The following CREBRF variants were observed in gnomAD, a reference collection of about 807,000 sequenced individuals.
CREBRF encodes the protein CREB3 regulatory factor.
In CREBRF, 5 loss-of-function variants were observed where a neutral mutation model predicts 66.1. The observed-to-expected ratio is 0.08, with a 90% CI of 0.04 to 0.16. The LOEUF is 0.16. CREBRF is among the 10% of genes least tolerant of loss of function. The probability of loss-of-function intolerance (pLI) is 1.00; values close to 1 mark genes in which losing one functional copy is unlikely to be tolerated. For synonymous variants in CREBRF, 229 were observed against 264.4 expected (o/e 0.87, Z 1.30); for missense variants, 531 against 744.9 (o/e 0.71, Z 3.34).
At chr5:173,128,887 TCTC>T (rs1160110940) in intron 8 of CREBRF, among the ~76,000 whole-genome samples, 1 of 151,084 alleles carries the variant, frequency 6.6e-6, no homozygotes, top group African/African-American at 2.4e-5. Flanking sequence ...CTCACACCAT[TCTC>T]CTGCCTCAGC....
At position 173,086,553 on chromosome 5, in the gene CREBRF, C is replaced by G. The variant is rs1346423259; in HGVS notation, c.62C>G (p.Thr21Ser). ...PPFGDAFRSH[T>S]FSEQTLMSTD... ...TTCGGGGATGCCTTTCGAAGCCACA[C>G]CTTTTCGGAACAAACTCTGATGAGC... The change falls in exon 3 of 9, where the codon ACC becomes AGC. Residue 21 changes from threonine to serine, a missense_variant. By Grantham distance (58) the Thr-to-Ser change is moderately conservative. Transcript: ENST00000296953. The G allele has an allele frequency of 1.9e-6, 3 of 1,613,848 alleles. No homozygotes were observed. The African/African-American group carries it at 4.0e-5, about 22-fold the overall frequency.
Position 173,136,041 on chromosome 5 carries a change from T to C in CREBRF, c.*2296T>C, listed in dbSNP as rs947190578. On this transcript the variant is annotated 3_prime_UTR_variant, in exon 9 of 9. Transcript: ENST00000296953. ...GGAAGTATATGAAGTCTTGACAGAGTGTGTCTGGTAAATTGAAAAGTGTTT... is the reference window on the plus strand; with the variant it reads ...GGAAGTATATGAAGTCTTGACAGAGCGTGTCTGGTAAATTGAAAAGTGTTT... The C allele has an allele frequency of 6.6e-6, 1 of 152,388 alleles. No homozygotes were observed. The highest frequency in any genetic ancestry group is 1.5e-5 in the Non-Finnish European group (1 of 67,920). The allele number at this position is 152,388 out of a possible 1,614,324, so 9.4% of individuals were successfully genotyped here.
intron 7 of CREBRF, among the ~76,000 whole-genome samples, chr5:173,115,787 T>C (rs1392509030): frequency 6.6e-6 from 1 of 152,040 alleles, no homozygotes; most frequent in Non-Finnish European, 1.5e-5. Flanking sequence ...TTTTTTTGTA[T>C]TTTTAGTAGA....
In CREBRF at chr5:173,138,608, G is replaced by A. The variant is rs555145942; in HGVS notation, c.*4863G>A. The stretch of plus-strand genomic sequence containing the variant: ...TGCCAAGTTTGGGTGAACTAGGTTC[G>A]GTTTGCCTCTTTCATAACAATGTAA... On this transcript the variant is annotated 3_prime_UTR_variant, in exon 9 of 9. Transcript: ENST00000296953. 31 of 152,196 alleles carry A rather than the reference G, an allele frequency of 2.0e-4. No homozygotes were observed. The highest frequency in any genetic ancestry group is 6.3e-4 in the African/African-American group (26 of 41,526). 9.4% of individuals were successfully genotyped at this position (152,196 alleles called of 1,614,324 possible). A position where few individuals can be genotyped will look rare whatever the true frequency, so the allele number is the denominator to read the frequency against.
rs773072894 is a variant in CREBRF at position 173,136,686 on chromosome 5, G to A, written c.*2941G>A. On this transcript the variant is annotated 3_prime_UTR_variant, in exon 9 of 9. Coordinates refer to ENST00000296953, the MANE Select transcript of CREBRF (RefSeq NM_153607.3). ...CCTCTATTGTCATTAAAATATATAC[G>A]TTTAGTGTATCACACAAACCAATCT... The A allele has an allele frequency of 2.0e-5, 3 of 152,436 alleles. No homozygotes were observed. The highest frequency in any genetic ancestry group is 2.1e-4 in the South Asian group (1 of 4,828). The allele number at this position is 152,436 out of a possible 1,614,324, so 9.4% of individuals were successfully genotyped here.
intron 8 of CREBRF, among the ~76,000 whole-genome samples, chr5:173,127,461 CTTTT>C (rs70984945): frequency 3.8e-5 from 5 of 130,796 alleles, no homozygotes; most frequent in Admixed American, 7.8e-5. Flanking sequence ...TTTTTCTTTT[CTTTT>C]TTTTTTTTTT....
intron 6 of CREBRF, among the ~76,000 whole-genome samples, chr5:173,112,096 T>C (rs920649085): frequency 6.6e-6 from 1 of 152,126 alleles, no homozygotes; most frequent in Non-Finnish European, 1.5e-5. Context: ...AAATGAAAGA[T>C]GAAAATTCAC....
At chr5:173,062,843 G>A (rs547403471) in intron 1 of CREBRF, among the ~76,000 whole-genome samples, 2 of 150,472 alleles carry the variant, frequency 1.3e-5, no homozygotes, top group Admixed American at 6.6e-5. Context: ...TGCCTCCCGG[G>A]TTCACGCCAT....
intron 5 of CREBRF, chr5:173,110,159 T>C (rs1336243567): frequency 5.9e-6 from 2 of 340,520 alleles, no homozygotes; most frequent in African/African-American, 4.3e-5. Context: ...CTATGTATTA[T>C]ACCCTAGTCC....
chr5:173,103,802 A>G (rs1226986450), intron 4 of CREBRF, among the ~76,000 whole-genome samples: 1 of 152,230 alleles, frequency 6.6e-6, no homozygotes, highest in East Asian at 1.9e-4. Context: ...TTTTCACTAA[A>G]CATCTTCACA....
chr5:173,073,839 C>T lies in CREBRF; in HGVS notation c.-191-6746C>T, dbSNP rs187334488. On this transcript the variant is annotated intron_variant, in intron 1 of 8. Transcript: ENST00000296953. ...AAAATTAGCTGGGCGTGGTGGTGGGCGCCTGTAGTCCCAGCTACTCGGGAA... is the reference window on the plus strand; with the variant it reads ...AAAATTAGCTGGGCGTGGTGGTGGGTGCCTGTAGTCCCAGCTACTCGGGAA... Among the ~76,000 whole-genome samples, 173 of 152,152 alleles carry T rather than the reference C, an allele frequency of 1.1e-3. 1 individual carries two copies. The highest frequency in any genetic ancestry group is 3.1e-3 in the African/African-American group (130 of 41,526).
intron 1 of CREBRF, among the ~76,000 whole-genome samples, chr5:173,073,542 T>C (rs1402675210): frequency 6.6e-6 from 1 of 152,234 alleles, no homozygotes; most frequent in Non-Finnish European, 1.5e-5. Context: ...GCTCTTATTC[T>C]TGTGCTCTGA....
At position 173,108,998 on chromosome 5, in the gene CREBRF, G is replaced by A. The variant is rs1013441556; in HGVS notation, c.1417+180G>A. 6.9e-6 allele frequency: 4 copies of A among 581,852 alleles called. No individual in the cohort carries two copies. In the African/African-American group the frequency reaches 7.6e-5, roughly 11 times the overall value. The allele number at this position is 581,852 out of a possible 1,614,324, so 36.0% of individuals were successfully genotyped here. The stretch of plus-strand genomic sequence containing the variant: ...TCACTCACAAATAGCTTTTACCAGT[G>A]TTAAGAGTCCTCACCTAAGTGGAGA... On this transcript the variant is annotated intron_variant, in intron 5 of 8. Coordinates refer to ENST00000296953, the MANE Select transcript of CREBRF (RefSeq NM_153607.3).
chr5:173,056,377 T>C lies in CREBRF; in HGVS notation c.-294T>C. ...GAGTCACGCGATTTCCGGGAACCCG[T>C]CAGGAAGGACATAAACAAAACAAAC... On this transcript the variant is annotated 5_prime_UTR_variant, in exon 1 of 9. Transcript: ENST00000296953. The C allele has an allele frequency of 2.5e-6, 1 of 398,098 alleles. No individual in the cohort carries two copies. The highest frequency in any genetic ancestry group is 4.4e-6 in the Non-Finnish European group (1 of 225,718). The allele number at this position is 398,098 out of a possible 1,614,324, so 24.7% of individuals were successfully genotyped here.
intron 1 of CREBRF, among the ~76,000 whole-genome samples, chr5:173,073,662 A>G (rs1757659926): frequency 6.6e-6 from 1 of 152,228 alleles, no homozygotes; most frequent in Admixed American, 6.5e-5. Flanking sequence ...TTAATCCAGA[A>G]ACTTGCTTTA....
At chr5:173,118,247 T>C (rs1278429196) in intron 7 of CREBRF, among the ~76,000 whole-genome samples, 1 of 152,126 alleles carries the variant, frequency 6.6e-6, no homozygotes, top group East Asian at 1.9e-4. Context: ...TGGCCTCAAG[T>C]GATCCACCCG....
intron 1 of CREBRF, among the ~76,000 whole-genome samples, chr5:173,070,590 A>G (rs1201216291): frequency 6.6e-6 from 1 of 152,074 alleles, no homozygotes; most frequent in African/African-American, 2.4e-5. Flanking sequence ...ATTTAATTCT[A>G]CTTCTTCCTC....
intron 3 of CREBRF, among the ~76,000 whole-genome samples, chr5:173,087,234 AC>A (rs1340845674): frequency 6.6e-6 from 1 of 152,012 alleles, no homozygotes; most frequent in Non-Finnish European, 1.5e-5. Flanking sequence ...GGCATGAGTC[AC>A]TGCGCCCAGC....
At chr5:173,111,236 A>T (rs1478404971) in intron 6 of CREBRF, among the ~76,000 whole-genome samples, 1 of 151,652 alleles carries the variant, frequency 6.6e-6, no homozygotes, top group South Asian at 2.1e-4. Flanking sequence ...TGTCATGTAC[A>T]TGGAATATAC....
Sources: gnomAD v4.1 joint callset for allele counts (sites outside exome capture counted in the v4.1 genomes callset) on GRCh38, gnomAD v4.1.1 for gene constraint, MANE v1.5 for transcripts, NCBI Gene and HGNC (gene_info 2026-07-23, HGNC 2026-07-21) for gene names.